Variants in TMEM278 observed in about 807,000 individuals in gnomAD.
TMEM278 encodes the protein transmembrane protein 88B.
chr1:1,426,164 G>T, the TMEM278 span: 18 of 1,416,570 alleles, frequency 1.3e-5, 1 homozygote, highest in South Asian at 3.1e-5. Context: ...GGAGGAGGAG[G>T]GGGGAGGTGG....
At chr1:1,427,800 T>G in the TMEM278 span, 4 of 1,378,616 alleles carry the variant, frequency 2.9e-6, no homozygotes, top group Admixed American at 1.2e-4. Flanking sequence ...CGGCGGCCGC[T>G]GCGAAACCCC....
chr1:1,429,865 CTGTTTGTT>C, the TMEM278 span, among the ~76,000 whole-genome samples: 1 of 152,046 alleles, frequency 6.6e-6, no homozygotes, highest in African/African-American at 2.4e-5. Flanking sequence ...ACTACTCTGT[CTGTTTGTT>C]TACTTAGAGA....
the TMEM278 span, chr1:1,426,381 C>CA: frequency 7.1e-7 from 1 of 1,403,828 alleles, no homozygotes; most frequent in East Asian, 2.9e-5. Context: ...CTGTGCCACT[C>CA]GAGGGTGAGC....
the TMEM278 span, among the ~76,000 whole-genome samples, chr1:1,429,878 T>TA: frequency 6.6e-6 from 1 of 152,222 alleles, no homozygotes. Flanking sequence ...TTTGTTTACT[T>TA]AGAGACAGAG....
chr1:1,429,683 C>G, the TMEM278 span, among the ~76,000 whole-genome samples: 1 of 152,154 alleles, frequency 6.6e-6, no homozygotes, highest in Non-Finnish European at 1.5e-5. Context: ...TCCCCTTTTC[C>G]AGGCGAGACC....
the TMEM278 span, among the ~76,000 whole-genome samples, chr1:1,427,969 G>A: frequency 7.0e-6 from 1 of 142,356 alleles, no homozygotes; most frequent in African/African-American, 2.6e-5. Flanking sequence ...GAGGGCAGGG[G>A]AGGGGAAGAG....
the TMEM278 span, among the ~76,000 whole-genome samples, chr1:1,428,636 C>A: frequency 6.6e-6 from 1 of 152,048 alleles, no homozygotes; most frequent in Non-Finnish European, 1.5e-5. Flanking sequence ...TTTTCTTTTA[C>A]CCCCTCATCA....
chr1:1,427,601 C>A, the TMEM278 span: 1 of 1,294,050 alleles, frequency 7.7e-7, no homozygotes, highest in South Asian at 2.1e-5. Context: ...TCTCAGACCG[C>A]GGCTCCGCGG....
At chr1:1,428,679 C>T in the TMEM278 span, among the ~76,000 whole-genome samples, 1 of 152,046 alleles carries the variant, frequency 6.6e-6, no homozygotes, top group Admixed American at 6.6e-5. Flanking sequence ...TGCTGATTAA[C>T]TCATTCATTT....
At chr1:1,425,886 G>GGCTGGGGCTGGAGACTGGCGCT in the TMEM278 span, among the ~76,000 whole-genome samples, 2 of 152,202 alleles carry the variant, frequency 1.3e-5, no homozygotes, top group Non-Finnish European at 2.9e-5. Flanking sequence ...ACCAGGAGCT[G>GGCTGGGGCTGGAGACTGGCGCT]GCTGGGGCTG....
the TMEM278 span, chr1:1,426,129 T>C: frequency 3.6e-6 from 5 of 1,399,874 alleles, no homozygotes; most frequent in Non-Finnish European, 4.7e-6. Flanking sequence ...GGCAGGAGCA[T>C]GAGTGAGCAG....
chr1:1,426,354 T>C, the TMEM278 span: 19 of 1,436,210 alleles, frequency 1.3e-5, no homozygotes, highest in African/African-American at 3.0e-5. Context: ...GCGGCCGCCG[T>C]CGTCTACCTG....
the TMEM278 span, among the ~76,000 whole-genome samples, chr1:1,428,859 G>A: frequency 1.1e-4 from 17 of 152,250 alleles, no homozygotes; most frequent in Admixed American, 7.9e-4. Flanking sequence ...AATTAGCTGG[G>A]CTTGGTGGCG....
At chr1:1,426,410 G>A in the TMEM278 span, 13 of 1,352,756 alleles carry the variant, frequency 9.6e-6, no homozygotes, top group African/African-American at 1.7e-4. Flanking sequence ...CGTGGGCGGG[G>A]GACTAGCTGG....
chr1:1,426,402 T>C, the TMEM278 span: 2 of 1,358,070 alleles, frequency 1.5e-6, no homozygotes, highest in Non-Finnish European at 1.9e-6. Flanking sequence ...CTGTGCCCCG[T>C]GGGCGGGGGA....
At chr1:1,429,884 C>CAT in the TMEM278 span, among the ~76,000 whole-genome samples, 1 of 152,316 alleles carries the variant, frequency 6.6e-6, no homozygotes, top group African/African-American at 2.4e-5. Flanking sequence ...TACTTAGAGA[C>CAT]AGAGTCTTGC....
At chr1:1,426,139 G>C in the TMEM278 span, 1 of 1,410,242 alleles carries the variant, frequency 7.1e-7, no homozygotes. Flanking sequence ...TGAGTGAGCA[G>C]GGGAGGGAGA....
chr1:1,428,715 T>C, the TMEM278 span, among the ~76,000 whole-genome samples: 3 of 152,222 alleles, frequency 2.0e-5, no homozygotes, highest in South Asian at 6.2e-4. Context: ...TGTTAACATA[T>C]CCAGGCCAGG....
At chr1:1,425,954 G>C in the TMEM278 span, among the ~76,000 whole-genome samples, 1 of 152,124 alleles carries the variant, frequency 6.6e-6, no homozygotes, top group Non-Finnish European at 1.5e-5. Flanking sequence ...AGGTGGGGGT[G>C]TGGCTCTGGG....
Sources: gnomAD v4.1 joint callset for allele counts (sites outside exome capture counted in the v4.1 genomes callset) on GRCh38, gnomAD v4.1.1 for gene constraint, MANE v1.5 for transcripts, NCBI Gene and HGNC (gene_info 2026-07-23, HGNC 2026-07-21) for gene names.